The following MAST4 variants were observed in gnomAD, a reference collection of about 807,000 sequenced individuals.
The protein encoded by MAST4 is microtubule-associated serine/threonine-protein kinase 4.
A neutral mutation model predicts 162.7 loss-of-function variants in MAST4; 89 were observed. The observed-to-expected ratio is 0.55, with a 90% CI of 0.46 to 0.65. The LOEUF is 0.65. Ranked by LOEUF, MAST4 falls within the 30% of genes least tolerant of loss-of-function variation. MAST4 has a pLI of 0.00. For missense variants in MAST4, 3,153 were observed against 3,374.0 expected (o/e 0.93, Z 1.62); for synonymous variants, 1,479 against 1,361.1 (o/e 1.09, Z -1.91).
intron 4 of MAST4, among the ~76,000 whole-genome samples, chr5:66,905,539 GA>G (rs1763301824): frequency 6.6e-6 from 1 of 152,102 alleles, no homozygotes; most frequent in Non-Finnish European, 1.5e-5. Context: ...GTTTGTCAAT[GA>G]AAGAGTCAAA....
chr5:67,049,083 T>A lies in MAST4; in HGVS notation c.675-5321T>A, dbSNP rs1049162812. 1.0e-4 allele frequency among the ~76,000 whole-genome samples: 10 copies of A among 99,136 alleles called. No individual in the cohort carries two copies. In the East Asian group the frequency reaches 2.2e-3, roughly 22 times the overall value. 65.0% of individuals were successfully genotyped at this position (99,136 alleles called of 152,430 possible). On this transcript the variant is annotated intron_variant, in intron 4 of 28. Coordinates refer to ENST00000403625, the MANE Select transcript of MAST4 (RefSeq NM_001164664.2). ...TACGTATATATATATATATATACAC[T>A]ACCATACCAAGAATGAATGGGCAAG...
At chr5:66,832,810 T>C (rs1357002848) in intron 3 of MAST4, among the ~76,000 whole-genome samples, 1 of 152,234 alleles carries the variant, frequency 6.6e-6, no homozygotes, top group African/African-American at 2.4e-5. Context: ...TTTATGATAA[T>C]ATTAATTCAT....
In MAST4 at chr5:66,673,010, T is replaced by G. The variant is rs541606339; in HGVS notation, c.363+75992T>G. 2.2e-4 allele frequency among the ~76,000 whole-genome samples: 34 copies of G among 152,330 alleles called. No individual in the cohort carries two copies. The South Asian group carries it at 6.4e-3, about 29-fold the overall frequency. On this transcript the variant is annotated intron_variant, in intron 1 of 28. Transcript: ENST00000403625. The stretch of plus-strand genomic sequence containing the variant: ...CTGATTGGTATAGAGTAGTAACTTT[T>G]TGTTTTAATTAGCGTTTCTCTAATT...
rs187210827 is a variant in MAST4 at position 66,935,678 on chromosome 5, T to C, written c.674+35696T>C. 8.1e-3 allele frequency among the ~76,000 whole-genome samples: 1,233 copies of C among 151,468 alleles called. 5 individuals carry two copies. Among genetic ancestry groups the C allele is most frequent in the Middle Eastern group, 0.024 (7 of 292 alleles). On this transcript the variant is annotated intron_variant, in intron 4 of 28. Transcript: ENST00000403625. ...TTTTTCTTTCTTTCTTTCTTTCTTT[T>C]TTTTTTTTTGAGACAGTCTCGCTCT...
chr5:66,898,873 G>T (rs1334403386), intron 3 of MAST4, among the ~76,000 whole-genome samples: 1 of 152,194 alleles, frequency 6.6e-6, no homozygotes, highest in Non-Finnish European at 1.5e-5. Flanking sequence ...TCTGTAAGCT[G>T]TGCTGGAGTA....
intron 1 of MAST4, among the ~76,000 whole-genome samples, chr5:66,744,083 T>C (rs748927564): frequency 6.6e-6 from 1 of 152,168 alleles, no homozygotes; most frequent in Admixed American, 6.5e-5. Context: ...ATTCCCTTCA[T>C]GTTTTCTGGT....
intron 1 of MAST4, among the ~76,000 whole-genome samples, chr5:66,743,993 C>T (rs1752612859): frequency 6.6e-6 from 1 of 152,124 alleles, no homozygotes; most frequent in Non-Finnish European, 1.5e-5. Context: ...CTGAACATCT[C>T]TTATTTGGCC....
chr5:67,149,629 C>A, intron 24 of MAST4, 40 bp downstream of exon 24: 1 of 1,579,928 alleles, frequency 6.3e-7, no homozygotes, highest in Non-Finnish European at 8.7e-7. Context: ...GTGATTTGTG[C>A]ATGTGGTCCC....
chr5:67,118,790 GTT>G (rs1157700752), intron 13 of MAST4, 41 bp downstream of exon 13: 1 of 1,223,038 alleles, frequency 8.2e-7, no homozygotes, highest in Non-Finnish European at 1.2e-6. Flanking sequence ...TGGTTTTTCT[GTT>G]TAGCATCTGG....
chr5:67,011,804 A>G (rs566008610), intron 4 of MAST4, among the ~76,000 whole-genome samples: 1 of 152,212 alleles, frequency 6.6e-6, no homozygotes, highest in Non-Finnish European at 1.5e-5. Flanking sequence ...GAGATCACAG[A>G]CTGTTTTGCC....
chr5:66,833,101 A>C (rs1757727474), intron 3 of MAST4, among the ~76,000 whole-genome samples: 1 of 152,154 alleles, frequency 6.6e-6, no homozygotes, highest in Non-Finnish European at 1.5e-5. Flanking sequence ...TCTATTTTAT[A>C]CTCTAAGAGT....
chr5:66,700,479 C>A (rs2149509994), intron 1 of MAST4, among the ~76,000 whole-genome samples: 1 of 152,062 alleles, frequency 6.6e-6, no homozygotes, highest in South Asian at 2.1e-4. Flanking sequence ...GTCAGGAGTT[C>A]AAGACCAGCC....
chr5:66,671,166 T>C (rs1303048293), intron 1 of MAST4, among the ~76,000 whole-genome samples: 2 of 152,196 alleles, frequency 1.3e-5, no homozygotes, highest in Non-Finnish European at 2.9e-5. Context: ...TGAAAATGCA[T>C]TTAGGTAAAA....
intron 2 of MAST4, among the ~76,000 whole-genome samples, chr5:66,761,437 T>C (rs565689725): frequency 1.8e-4 from 27 of 152,348 alleles, no homozygotes; most frequent in Non-Finnish European, 3.5e-4. Flanking sequence ...AGAGTACTTT[T>C]TCCTCTAGAT....
At chr5:67,107,759 G>C (rs1581585807) in intron 10 of MAST4, among the ~76,000 whole-genome samples, 1 of 152,258 alleles carries the variant, frequency 6.6e-6, no homozygotes, top group East Asian at 1.9e-4. Flanking sequence ...GAAGTCCTGA[G>C]GCCTAAGACA....
chr5:66,746,208 G>A (rs977245304), intron 1 of MAST4, among the ~76,000 whole-genome samples: 4 of 152,198 alleles, frequency 2.6e-5, no homozygotes, highest in Admixed American at 2.6e-4. Context: ...TACTTGGGTA[G>A]CCAGCCAATT....
chr5:66,944,812 C>T (rs1316913025), intron 4 of MAST4, among the ~76,000 whole-genome samples: 4 of 152,092 alleles, frequency 2.6e-5, no homozygotes, highest in Non-Finnish European at 4.4e-5. Flanking sequence ...CATTTCCTTG[C>T]GAGAGTAGAA....
chr5:66,713,461 C>A (rs1017755254), intron 1 of MAST4, among the ~76,000 whole-genome samples: 4 of 152,152 alleles, frequency 2.6e-5, no homozygotes, highest in African/African-American at 9.7e-5. Flanking sequence ...TTACTTCACC[C>A]TTCTACCTGG....
intron 4 of MAST4, among the ~76,000 whole-genome samples, chr5:67,044,314 A>G (rs1757112037): frequency 6.6e-6 from 1 of 152,162 alleles, no homozygotes; most frequent in Non-Finnish European, 1.5e-5. Context: ...CTGTAAATAC[A>G]TGACCTGCGC....
Sources: allele counts gnomAD v4.1 joint callset (sites outside exome capture counted in the v4.1 genomes callset), GRCh38; gene constraint gnomAD v4.1.1; transcripts MANE v1.5; gene names NCBI Gene and HGNC (gene_info 2026-07-23, HGNC 2026-07-21).